Variants in LRP1B observed in about 807,000 individuals in gnomAD.
LRP1B encodes LDL receptor related protein 1B.
In LRP1B, 217 loss-of-function variants were observed where a neutral mutation model predicts 556.6. The ratio of observed to expected loss-of-function variants is 0.39; its 90% CI spans 0.35 to 0.44. The LOEUF (loss-of-function observed/expected upper bound fraction) is 0.44, where lower values mean the gene tolerates loss of function less well. LRP1B is among the 20% of genes least tolerant of loss of function. LRP1B has a pLI of 1.00. For missense variants in LRP1B, 5,053 were observed against 5,620.8 expected (o/e 0.90, Z 3.23); for synonymous variants, 2,047 against 1,865.8 (o/e 1.10, Z -2.50).
At chr2:140,570,286 T>A (rs1287313653) in intron 43 of LRP1B, among the ~76,000 whole-genome samples, 1 of 150,862 alleles carries the variant, frequency 6.6e-6, no homozygotes, top group Non-Finnish European at 1.5e-5. Flanking sequence ...AACCATTATC[T>A]AGGGTAACCA....
chr2:140,590,443 C>T (rs954929690), intron 43 of LRP1B, among the ~76,000 whole-genome samples: 1 of 151,644 alleles, frequency 6.6e-6, no homozygotes, highest in East Asian at 1.9e-4. Flanking sequence ...TGTTGAAGCC[C>T]TGACTCCCAA....
At chr2:141,977,601 A>G (rs1701922683) in intron 1 of LRP1B, among the ~76,000 whole-genome samples, 2 of 152,168 alleles carry the variant, frequency 1.3e-5, no homozygotes, top group South Asian at 4.1e-4. Context: ...TTACTTTTAA[A>G]AACAGAGTGT....
chr2:141,681,189 G>T (rs1441213360), intron 2 of LRP1B, among the ~76,000 whole-genome samples: 1 of 152,062 alleles, frequency 6.6e-6, no homozygotes, highest in Non-Finnish European at 1.5e-5. Flanking sequence ...GCTCCTTGGA[G>T]GCTGAGGTGG....
chr2:140,234,926 TA>T (rs1458704692), intron 89 of LRP1B, 42 bp from the exon 90 acceptor site: 6 of 747,642 alleles, frequency 8.0e-6, no homozygotes, highest in Non-Finnish European at 1.5e-5. Context: ...TCTAATATTA[TA>T]GAATCACTTT....
At position 140,444,458 on chromosome 2, in the gene LRP1B, T is replaced by G. The variant is rs112242969; in HGVS notation, c.10175-9A>C. On this transcript the variant is annotated splice_polypyrimidine_tract_variant and intron_variant, in intron 64 of 90. Transcript: ENST00000389484. Reference sequence around the variant, plus strand: ...CAGGCAGACATGTGTGTCTAGAACATAGAAGGAGAGAGAGAGAGAAAATTT... The same window carrying G: ...CAGGCAGACATGTGTGTCTAGAACAGAGAAGGAGAGAGAGAGAGAAAATTT... 1 of 1,613,796 alleles carries G rather than the reference T, an allele frequency of 6.2e-7. No individual in the cohort carries two copies. The highest frequency in any genetic ancestry group is 1.3e-5 in the African/African-American group (1 of 74,900).
At chr2:141,224,630 T>C (rs1683174354) in intron 6 of LRP1B, among the ~76,000 whole-genome samples, 1 of 152,186 alleles carries the variant, frequency 6.6e-6, no homozygotes, top group Non-Finnish European at 1.5e-5. Context: ...CATGGAATAC[T>C]ATGCGGCCAT....
rs1680149386 is a variant in LRP1B, at chr2:140,541,876, C to T, written c.7290G>A (p.Arg2430=). The T allele has an allele frequency of 6.2e-7, 1 of 1,612,630 alleles. No individual in the cohort carries two copies. Among genetic ancestry groups the T allele is most frequent in the African/African-American group, 1.3e-5 (1 of 74,850 alleles). Residue 2430 remains arginine (R), a synonymous_variant, in exon 44 of 91, where the codon CGG becomes CGA. Transcript: ENST00000389484. ...WSDWGRRAIL[R]SNKYTGGDTK... is the part of the protein sequence containing the mutation. ...TATCTCCTCCTGTGTACTTGTTGGA[C>T]CGCAGTATAGCTCTTCTTCCCCAGT...
intron 1 of LRP1B, among the ~76,000 whole-genome samples, chr2:141,964,838 C>A (rs1444926553): frequency 6.6e-6 from 1 of 151,532 alleles, no homozygotes; most frequent in Admixed American, 6.6e-5. Flanking sequence ...ATTTTTGCAA[C>A]CTACTCATCT....
At chr2:142,055,212 A>G (rs1166471433) in intron 1 of LRP1B, among the ~76,000 whole-genome samples, 2 of 152,156 alleles carry the variant, frequency 1.3e-5, no homozygotes, top group African/African-American at 4.8e-5. Flanking sequence ...CGTAATATGA[A>G]AAAAAGGAAT....
intron 80 of LRP1B, among the ~76,000 whole-genome samples, chr2:140,325,546 G>A (rs1445267701): frequency 6.6e-6 from 1 of 152,116 alleles, no homozygotes; most frequent in Admixed American, 6.6e-5. Context: ...CAATGGCCAT[G>A]TTTGTTCAAG....
At chr2:141,841,934 C>A (rs1000671045) in intron 1 of LRP1B, among the ~76,000 whole-genome samples, 3 of 151,942 alleles carry the variant, frequency 2.0e-5, no homozygotes, top group Non-Finnish European at 4.4e-5. Flanking sequence ...AATATATGCT[C>A]ATTTTTGACA....
At chr2:141,879,945 A>G (rs1698898002) in intron 1 of LRP1B, among the ~76,000 whole-genome samples, 1 of 149,598 alleles carries the variant, frequency 6.7e-6, no homozygotes, top group Admixed American at 6.8e-5. Flanking sequence ...CTGGACATAT[A>G]CATATGAACA....
In LRP1B at chr2:140,872,360, A is replaced by ATT. The variant is rs59469282; in HGVS notation, c.4170-4099_4170-4098dup. 3.0e-3 allele frequency among the ~76,000 whole-genome samples: 180 copies of ATT among 60,484 alleles called. 12 individuals carry two copies. Among genetic ancestry groups the ATT allele is most frequent in the East Asian group, 0.028 (56 of 2,034 alleles). The allele number at this position is 60,484 out of a possible 152,430, so 39.7% of individuals were successfully genotyped here. A position where few individuals can be genotyped will look rare whatever the true frequency, so the allele number is the denominator to read the frequency against. On this transcript the variant is annotated intron_variant, in intron 25 of 90. Coordinates refer to ENST00000389484, the MANE Select transcript of LRP1B (RefSeq NM_018557.3). The stretch of plus-strand genomic sequence containing the variant: ...GCTTGCTTTTGTATTGTGTCACCTG[A>ATT]TTTTTTTTTTTTTTTTTTTTTTTTT...
intron 1 of LRP1B, among the ~76,000 whole-genome samples, chr2:141,919,526 A>T (rs1700123424): frequency 6.6e-6 from 1 of 152,056 alleles, no homozygotes; most frequent in Non-Finnish European, 1.5e-5. Flanking sequence ...TAATTATTTT[A>T]ATTCAAATTT....
At chr2:140,751,517 A>G (rs2104895569) in intron 35 of LRP1B, among the ~76,000 whole-genome samples, 1 of 152,326 alleles carries the variant, frequency 6.6e-6, no homozygotes, top group Middle Eastern at 3.4e-3. Context: ...TAAATTTCAT[A>G]CAGAATTTTC....
chr2:140,621,260 C>T (rs1412974517), intron 41 of LRP1B, among the ~76,000 whole-genome samples: 1 of 151,176 alleles, frequency 6.6e-6, no homozygotes, highest in African/African-American at 2.4e-5. Context: ...GTGGTGGGCG[C>T]CTGTAGTCCC....
intron 1 of LRP1B, among the ~76,000 whole-genome samples, chr2:141,836,114 G>A (rs352985): frequency 0.78 from 118,168 of 151,828 alleles, 46,224 homozygotes; most frequent in African/African-American, 0.84. Flanking sequence ...TATGTCTTGT[G>A]AAAAGAGAAC....
intron 20 of LRP1B, among the ~76,000 whole-genome samples, chr2:140,945,091 T>C (rs1644479780): frequency 6.6e-6 from 1 of 152,120 alleles, no homozygotes; most frequent in South Asian, 2.1e-4. Context: ...ATTAGTAGCA[T>C]TTTTATACAC....
chr2:140,393,494 A>C (rs1354418650), intron 66 of LRP1B, among the ~76,000 whole-genome samples: 1 of 151,752 alleles, frequency 6.6e-6, no homozygotes, highest in Non-Finnish European at 1.5e-5. Flanking sequence ...TTTAGAGTAA[A>C]ATTAGGAAGA....
Sources: allele counts gnomAD v4.1 joint callset (sites outside exome capture counted in the v4.1 genomes callset), GRCh38; gene constraint gnomAD v4.1.1; transcripts MANE v1.5; gene names NCBI Gene and HGNC (gene_info 2026-07-23, HGNC 2026-07-21).